RABGAP1L: variants seen among roughly 807,000 people sequenced by gnomAD.
RABGAP1L encodes the protein RAB GTPase activating protein 1 like.
RABGAP1L carries 63 observed loss-of-function variants against 137.7 expected under a neutral mutation model. That is an observed-to-expected ratio of 0.46 (90% CI 0.37 to 0.56). The LOEUF (loss-of-function observed/expected upper bound fraction) is 0.56, where lower values mean the gene tolerates loss of function less well. RABGAP1L is among the 20% of genes least tolerant of loss of function. The pLI, the probability that RABGAP1L is intolerant of heterozygous loss-of-function variation, is 0.00. For synonymous variants in RABGAP1L, 431 were observed against 433.7 expected, an observed-to-expected ratio of 0.99 and a Z score of 0.08; for missense variants, 1,095 against 1,244.0, an observed-to-expected ratio of 0.88 and a Z score of 1.80.
At chr1:174,174,195 TACACACACACACACAC>T (rs56864336) in intron 1 of RABGAP1L, among the ~76,000 whole-genome samples, 3,516 of 145,666 alleles carry the variant, frequency 0.024, 131 homozygotes, top group African/African-American at 0.082. Flanking sequence ...GGAAAAAAAA[TACACACACACACACAC>T]ACACACACAC....
rs1435558957 is a variant in RABGAP1L at position 174,957,438 on chromosome 1, T to C, written c.2341-19T>C. On this transcript the variant is annotated intron_variant, in intron 19 of 25. Transcript: ENST00000681986. ...AAATGGTGTCCTTGTCTAACATGGT[T>C]TTCCTCAAATCCCTGCAGGTACCAA... 1 of 1,590,732 alleles carries C rather than the reference T, an allele frequency of 6.3e-7. No homozygotes were observed. The highest frequency in any genetic ancestry group is 8.6e-7 in the Non-Finnish European group (1 of 1,159,164).
intron 13 of RABGAP1L, among the ~76,000 whole-genome samples, chr1:174,466,548 AG>A (rs1657314964): frequency 6.6e-6 from 1 of 152,164 alleles, no homozygotes; most frequent in South Asian, 2.1e-4. Flanking sequence ...GCACTTTGGG[AG>A]GCTGAGGCGG....
At chr1:174,439,355 C>T (rs189249396) in intron 13 of RABGAP1L, among the ~76,000 whole-genome samples, 13 of 152,220 alleles carry the variant, frequency 8.5e-5, no homozygotes, top group East Asian at 3.9e-4. Flanking sequence ...TGCTCTTGAG[C>T]GGTCACTAAA....
At chr1:174,331,044 G>A (rs1284610692) in intron 11 of RABGAP1L, among the ~76,000 whole-genome samples, 2 of 152,180 alleles carry the variant, frequency 1.3e-5, no homozygotes, top group Non-Finnish European at 2.9e-5. Flanking sequence ...GGCATTTACA[G>A]CCAACTGATG....
At chr1:174,835,855 A>G (rs1289485496) in intron 19 of RABGAP1L, among the ~76,000 whole-genome samples, 1 of 152,192 alleles carries the variant, frequency 6.6e-6, no homozygotes, top group African/African-American at 2.4e-5. Context: ...TTATGTAAAA[A>G]AAAAATTCCT....
At chr1:174,710,066 C>T (rs773567571) in intron 17 of RABGAP1L, among the ~76,000 whole-genome samples, 5 of 152,010 alleles carry the variant, frequency 3.3e-5, no homozygotes, top group Non-Finnish European at 5.9e-5. Flanking sequence ...AGGATATCAG[C>T]GATTGAAGAT....
chr1:174,938,945 A>G (rs916441409), intron 19 of RABGAP1L, among the ~76,000 whole-genome samples: 4 of 152,322 alleles, frequency 2.6e-5, no homozygotes, highest in South Asian at 2.1e-4. Flanking sequence ...TTGAAGAGCA[A>G]TCGTTTATGT....
chr1:174,395,943 A>G (rs1471807220), intron 13 of RABGAP1L, among the ~76,000 whole-genome samples: 2 of 152,216 alleles, frequency 1.3e-5, no homozygotes, highest in East Asian at 1.9e-4. Context: ...ATGTACGTCT[A>G]CTTGGGTCTG....
intron 11 of RABGAP1L, among the ~76,000 whole-genome samples, chr1:174,361,895 G>C (rs1431420528): frequency 6.6e-6 from 1 of 152,098 alleles, no homozygotes; most frequent in African/African-American, 2.4e-5. Context: ...ATTAAGTCTA[G>C]TACCCTTTAA....
rs1670847672 is a variant in RABGAP1L at position 174,978,689 on chromosome 1, T to C, written c.2650-118T>C. The C allele has an allele frequency of 3.0e-5, 35 of 1,161,836 alleles. No individual in the cohort carries two copies. The South Asian group carries it at 9.1e-4, about 30-fold the overall frequency. 72.0% of individuals were successfully genotyped at this position (1,161,836 alleles called of 1,614,324 possible). The stretch of plus-strand genomic sequence containing the variant: ...ATGCAGCTTCCATGAAGATAATTTA[T>C]ATAGTTAACATTGTTACCATTGTTA... On this transcript the variant is annotated intron_variant, in intron 22 of 25. Transcript: ENST00000681986.
chr1:174,687,157 A>C (rs1557985472), intron 15 of RABGAP1L, among the ~76,000 whole-genome samples: 1 of 152,168 alleles, frequency 6.6e-6, no homozygotes, highest in Non-Finnish European at 1.5e-5. Context: ...CAAAGAGAGA[A>C]AGAGAGAGAT....
intron 11 of RABGAP1L, among the ~76,000 whole-genome samples, chr1:174,332,381 TTTA>T (rs915342228): frequency 4.5e-5 from 2 of 44,866 alleles, no homozygotes; most frequent in Non-Finnish European, 9.4e-5. Context: ...TATCTAAATT[TTTA>T]TTTATTTATT....
intron 13 of RABGAP1L, among the ~76,000 whole-genome samples, chr1:174,416,198 A>C (rs1308793408): frequency 6.6e-6 from 1 of 151,960 alleles, no homozygotes; most frequent in African/African-American, 2.4e-5. Context: ...ATTACTATGA[A>C]GAGAATAATT....
intron 14 of RABGAP1L, among the ~76,000 whole-genome samples, chr1:174,667,448 C>A (rs1386686237): frequency 6.6e-6 from 1 of 152,110 alleles, no homozygotes; most frequent in Non-Finnish European, 1.5e-5. Context: ...TATGACCTTG[C>A]CCAAGTTAGG....
chr1:174,483,644 T>C (rs912038746), intron 13 of RABGAP1L, among the ~76,000 whole-genome samples: 1 of 152,102 alleles, frequency 6.6e-6, no homozygotes, highest in Non-Finnish European at 1.5e-5. Flanking sequence ...CTGGCCAACA[T>C]GGTGAAACCT....
At chr1:174,817,025 G>A (rs72717621) in intron 19 of RABGAP1L, among the ~76,000 whole-genome samples, 8,705 of 152,080 alleles carry the variant, frequency 0.057, 368 homozygotes, top group Non-Finnish European at 0.08. Flanking sequence ...CACTGCACTC[G>A]GTCAGTCCTT....
intron 17 of RABGAP1L, among the ~76,000 whole-genome samples, chr1:174,717,156 T>G (rs1558012935): frequency 6.6e-6 from 1 of 152,198 alleles, no homozygotes; most frequent in Non-Finnish European, 1.5e-5. Flanking sequence ...AGGCCTGTAA[T>G]TCCAGCATTT....
At chr1:174,459,053 A>T (rs1656373738) in intron 13 of RABGAP1L, among the ~76,000 whole-genome samples, 1 of 152,130 alleles carries the variant, frequency 6.6e-6, no homozygotes. Context: ...TAGAAAATAA[A>T]TGGTTATAGT....
intron 13 of RABGAP1L, among the ~76,000 whole-genome samples, chr1:174,535,067 G>A (rs1664794507): frequency 6.6e-6 from 1 of 152,076 alleles, no homozygotes; most frequent in African/African-American, 2.4e-5. Context: ...AAAAGTTTTT[G>A]AATGCCACTG....
Sources: allele counts gnomAD v4.1 joint callset (sites outside exome capture counted in the v4.1 genomes callset), GRCh38; gene constraint gnomAD v4.1.1; transcripts MANE v1.5; gene names NCBI Gene and HGNC (gene_info 2026-07-23, HGNC 2026-07-21).